ZNF804B: variants seen among roughly 807,000 people sequenced by gnomAD.
ZNF804B encodes zinc finger 804B.
In ZNF804B, 80 loss-of-function variants were observed where a neutral mutation model predicts 101.4. The observed-to-expected ratio is 0.79, with a 90% CI of 0.66 to 0.95. ZNF804B has a LOEUF of 0.95. ZNF804B is among the 40% of genes least tolerant of loss of function. The probability of loss-of-function intolerance (pLI) is 0.00; values close to 1 mark genes in which losing one functional copy is unlikely to be tolerated. For missense variants in ZNF804B, 1,673 were observed against 1,561.9 expected, an observed-to-expected ratio of 1.07 and a Z score of -1.20; for synonymous variants, 622 against 558.8, an observed-to-expected ratio of 1.11 and a Z score of -1.59.
At chr7:88,971,568 C>G (rs572998850) in intron 1 of ZNF804B, among the ~76,000 whole-genome samples, 2 of 151,620 alleles carry the variant, frequency 1.3e-5, no homozygotes, top group East Asian at 3.9e-4. Context: ...AAGCAGTAGC[C>G]TTTAACTTCT....
intron 1 of ZNF804B, among the ~76,000 whole-genome samples, chr7:89,081,264 G>T (rs1055525611): frequency 6.6e-6 from 1 of 151,952 alleles, no homozygotes; most frequent in South Asian, 2.1e-4. Flanking sequence ...AGGCAGAACT[G>T]AGTTTAATTA....
At chr7:89,296,762 A>G (rs1281030417) in intron 2 of ZNF804B, among the ~76,000 whole-genome samples, 2 of 152,040 alleles carry the variant, frequency 1.3e-5, no homozygotes, top group African/African-American at 4.8e-5. Flanking sequence ...AGAGCCAGCC[A>G]CCTTTCCTCT....
intron 1 of ZNF804B, among the ~76,000 whole-genome samples, chr7:88,915,681 G>A (rs907022362): frequency 6.6e-6 from 1 of 151,846 alleles, no homozygotes; most frequent in Non-Finnish European, 1.5e-5. Flanking sequence ...TTAGCCACAT[G>A]ATCCTGAAAA....
At position 88,959,823 on chromosome 7, in the gene ZNF804B, C is replaced by G. The variant is rs186614962; in HGVS notation, c.108+199739C>G. Among the ~76,000 whole-genome samples, 16 of 151,554 alleles carry G rather than the reference C, an allele frequency of 1.1e-4. 1 individual carries two copies. The South Asian group carries it at 1.7e-3, about 16-fold the overall frequency. ...GCTTAAAATGTCATATTAGCTACCA[C>G]GCAAAAATTCATCCATCCCATGCCA... On this transcript the variant is annotated intron_variant, in intron 1 of 3. Coordinates refer to ENST00000333190, the MANE Select transcript of ZNF804B (RefSeq NM_181646.5).
chr7:88,812,432 A>G (rs1053291525), intron 1 of ZNF804B, among the ~76,000 whole-genome samples: 3 of 152,214 alleles, frequency 2.0e-5, no homozygotes, highest in South Asian at 4.1e-4. Context: ...AAAATGGTGC[A>G]ACCACCATGG....
At chr7:89,131,876 A>T (rs1309291900) in intron 1 of ZNF804B, among the ~76,000 whole-genome samples, 3 of 152,012 alleles carry the variant, frequency 2.0e-5, no homozygotes, top group Non-Finnish European at 4.4e-5. Context: ...TTCAAGCCTG[A>T]TAACACGAAT....
At chr7:89,148,928 A>T (rs2116402617) in intron 1 of ZNF804B, among the ~76,000 whole-genome samples, 1 of 152,220 alleles carries the variant, frequency 6.6e-6, no homozygotes, top group African/African-American at 2.4e-5. Context: ...AGCCATAAAC[A>T]ATCAGGTCCA....
At chr7:89,144,280 A>G (rs1790758169) in intron 1 of ZNF804B, among the ~76,000 whole-genome samples, 2 of 152,070 alleles carry the variant, frequency 1.3e-5, no homozygotes, top group Admixed American at 1.3e-4. Flanking sequence ...AAGTCATACA[A>G]ATAGTCGTAA....
At chr7:89,083,278 T>C (rs1176289736) in intron 1 of ZNF804B, among the ~76,000 whole-genome samples, 2 of 151,838 alleles carry the variant, frequency 1.3e-5, no homozygotes, top group Admixed American at 6.6e-5. Flanking sequence ...TACAAGATTT[T>C]TGGAATGACT....
At chr7:89,168,945 C>A (rs939665753) in intron 1 of ZNF804B, among the ~76,000 whole-genome samples, 4 of 152,034 alleles carry the variant, frequency 2.6e-5, no homozygotes, top group African/African-American at 9.7e-5. Context: ...GGTTCTTGGC[C>A]TCACAGATTC....
At chr7:89,299,916 G>C (rs1584112843) in intron 2 of ZNF804B, among the ~76,000 whole-genome samples, 1 of 151,868 alleles carries the variant, frequency 6.6e-6, no homozygotes, top group Non-Finnish European at 1.5e-5. Flanking sequence ...TAAATGATTT[G>C]TCTTGGTAAT....
intron 1 of ZNF804B, among the ~76,000 whole-genome samples, chr7:89,153,154 T>A (rs1192730140): frequency 1.3e-5 from 2 of 151,960 alleles, no homozygotes; most frequent in Non-Finnish European, 1.5e-5. Flanking sequence ...ACTGACCAGA[T>A]GACCTCGCTC....
chr7:89,146,506 C>T (rs1232189696), intron 1 of ZNF804B, among the ~76,000 whole-genome samples: 1 of 152,020 alleles, frequency 6.6e-6, no homozygotes, highest in Non-Finnish European at 1.5e-5. Flanking sequence ...AAAATAAAGT[C>T]ATTCAAATAT....
At chr7:88,862,344 C>T (rs1287429433) in intron 1 of ZNF804B, among the ~76,000 whole-genome samples, 1 of 152,104 alleles carries the variant, frequency 6.6e-6, no homozygotes, top group East Asian at 1.9e-4. Context: ...AGGAGCTCGC[C>T]ATTTAGCCAA....
At chr7:89,037,569 A>G (rs1788947735) in intron 1 of ZNF804B, among the ~76,000 whole-genome samples, 1 of 142,026 alleles carries the variant, frequency 7.0e-6, no homozygotes, top group South Asian at 2.2e-4. Flanking sequence ...ATGCATGGAT[A>G]TATATATATA....
At chr7:88,909,586 A>G (rs973962167) in intron 1 of ZNF804B, among the ~76,000 whole-genome samples, 2 of 151,890 alleles carry the variant, frequency 1.3e-5, no homozygotes, top group Admixed American at 1.3e-4. Context: ...TATTAACTCA[A>G]GTTGTTCACC....
At chr7:88,777,333 T>C (rs1470265525) in intron 1 of ZNF804B, among the ~76,000 whole-genome samples, 1 of 152,174 alleles carries the variant, frequency 6.6e-6, no homozygotes, top group Middle Eastern at 3.2e-3. Context: ...AATCATGGCT[T>C]CTTTTCTTCT....
At chr7:88,895,035 A>T (rs888508956) in intron 1 of ZNF804B, among the ~76,000 whole-genome samples, 28 of 152,310 alleles carry the variant, frequency 1.8e-4, no homozygotes, top group African/African-American at 6.5e-4. Flanking sequence ...AAATGACAAA[A>T]ACTATTAAAA....
chr7:89,206,588 C>T (rs996996953), intron 1 of ZNF804B, among the ~76,000 whole-genome samples: 1 of 152,014 alleles, frequency 6.6e-6, no homozygotes, highest in African/African-American at 2.4e-5. Context: ...CCTGTCTCTA[C>T]TAAAAATACA....
Sources: allele counts gnomAD v4.1 joint callset (sites outside exome capture counted in the v4.1 genomes callset), GRCh38; gene constraint gnomAD v4.1.1; transcripts MANE v1.5; gene names NCBI Gene and HGNC (gene_info 2026-07-23, HGNC 2026-07-21).